The following RAB3C variants were observed in gnomAD, a reference collection of about 807,000 sequenced individuals.
The protein encoded by RAB3C is RAB3C, member RAS oncogene family, also known as ras-related protein Rab-3C.
A neutral mutation model predicts 26.4 loss-of-function variants in RAB3C; 17 were observed. The ratio of observed to expected loss-of-function variants is 0.64; its 90% CI spans 0.44 to 0.97. The LOEUF (loss-of-function observed/expected upper bound fraction) is 0.97, where lower values mean the gene tolerates loss of function less well. RAB3C is among the 50% of genes least tolerant of loss of function. RAB3C has a pLI of 0.00. For missense variants in RAB3C, 242 were observed against 281.9 expected, an observed-to-expected ratio of 0.86 and a Z score of 1.01; for synonymous variants, 91 against 95.9, an observed-to-expected ratio of 0.95 and a Z score of 0.30.
At chr5:58,582,281 G>A, upstream of RAB3C, 1 of 388,380 alleles carries the variant, frequency 2.6e-6, no homozygotes, top group Non-Finnish European at 3.5e-6. Context: ...TCCGCCAGAC[G>A]CCACCCCTAC....
intron 1 of RAB3C, among the ~76,000 whole-genome samples, chr5:58,601,527 T>C (rs1398492570): frequency 1.3e-5 from 2 of 152,130 alleles, no homozygotes; most frequent in African/African-American, 2.4e-5. Context: ...TCACTGCTTG[T>C]TTTTGGTCTG....
At chr5:58,836,310 T>C (rs1044923846) in intron 4 of RAB3C, among the ~76,000 whole-genome samples, 7 of 152,130 alleles carry the variant, frequency 4.6e-5, no homozygotes, top group African/African-American at 1.7e-4. Flanking sequence ...GAATACATAG[T>C]GAATTTTTGA....
intron 2 of RAB3C, among the ~76,000 whole-genome samples, chr5:58,706,029 A>T (rs1032973947): frequency 1.3e-5 from 2 of 152,142 alleles, no homozygotes; most frequent in South Asian, 2.1e-4. Flanking sequence ...TGTTTTTCTG[A>T]TGGTTTGAAA....
intron 1 of RAB3C, among the ~76,000 whole-genome samples, chr5:58,587,888 G>T (rs1746044991): frequency 6.6e-6 from 1 of 152,094 alleles, no homozygotes; most frequent in Admixed American, 6.6e-5. Context: ...ATAGGAGTTT[G>T]ATTTGTTCTA....
rs1200045037 is a variant in RAB3C at position 58,852,599 on chromosome 5, A to T, written c.*1248A>T. 6.6e-6 allele frequency: 1 copy of T among 152,182 alleles called. No individual in the cohort carries two copies. Among genetic ancestry groups the T allele is most frequent in the Non-Finnish European group, 1.5e-5 (1 of 68,026 alleles). The allele number at this position is 152,182 out of a possible 1,614,324, so 9.4% of individuals were successfully genotyped here. A position where few individuals can be genotyped will look rare whatever the true frequency, so the allele number is the denominator to read the frequency against. ...TCAATTTCAGAAATATTTAGGATCC[A>T]TAGCAATTTAAAAGAGGGAGGAAAC... is the stretch of plus-strand genomic sequence containing the variant. On this transcript the variant is annotated 3_prime_UTR_variant, in exon 5 of 5. Coordinates refer to ENST00000282878, the MANE Select transcript of RAB3C (RefSeq NM_138453.4).
chr5:58,833,825 A>G (rs1457300099), intron 4 of RAB3C, among the ~76,000 whole-genome samples: 2 of 152,230 alleles, frequency 1.3e-5, no homozygotes, highest in Non-Finnish European at 2.9e-5. Flanking sequence ...TACTATTTAA[A>G]TGCTTTGATA....
rs1369733892 is a variant in RAB3C at position 58,755,664 on chromosome 5, A to G, written c.371+29544A>G. On this transcript the variant is annotated intron_variant, in intron 3 of 4. Coordinates refer to ENST00000282878, the MANE Select transcript of RAB3C (RefSeq NM_138453.4). ...TGCGGAAAGAAACCTGTTTCTCCTT[A>G]ATGATGGTGTTGTCCAGGCAGGGGC... Among the ~76,000 whole-genome samples, 9 of 152,134 alleles carry G rather than the reference A, an allele frequency of 5.9e-5. No homozygotes were observed. In the East Asian group the frequency reaches 1.7e-3, roughly 29 times the overall value.
chr5:58,690,890 G>A (rs189208019), intron 2 of RAB3C, among the ~76,000 whole-genome samples: 1 of 152,224 alleles, frequency 6.6e-6, no homozygotes, highest in South Asian at 2.1e-4. Context: ...AATAAGATTT[G>A]TAATAACTAA....
intron 4 of RAB3C, among the ~76,000 whole-genome samples, chr5:58,830,961 G>A (rs1029148191): frequency 6.6e-6 from 1 of 151,804 alleles, no homozygotes; most frequent in Admixed American, 6.6e-5. Context: ...CTGCAGCCTT[G>A]ACCTCTTGGA....
intron 3 of RAB3C, among the ~76,000 whole-genome samples, chr5:58,731,154 T>C (rs1283989102): frequency 2.0e-5 from 3 of 152,228 alleles, no homozygotes; most frequent in African/African-American, 7.2e-5. Flanking sequence ...TCAGCAAGCA[T>C]GGAGATTCAG....
rs540584542 is a variant in RAB3C at position 58,653,669 on chromosome 5, AC to A, written c.252+35801del. ...TGCAGGAATATGGATGAAGCTGGAA[AC>A]CATCATTCTCAGCAGAAAATCTCTA... On this transcript the variant is annotated intron_variant, in intron 2 of 4. Coordinates refer to ENST00000282878, the MANE Select transcript of RAB3C (RefSeq NM_138453.4). 1.7e-3 allele frequency among the ~76,000 whole-genome samples: 259 copies of A among 152,276 alleles called. 1 individual carries two copies. Among genetic ancestry groups the A allele is most frequent in the African/African-American group, 5.8e-3 (241 of 41,552 alleles).
intron 3 of RAB3C, among the ~76,000 whole-genome samples, chr5:58,812,415 G>C (rs950923040): frequency 1.3e-5 from 2 of 152,194 alleles, no homozygotes; most frequent in East Asian, 3.9e-4. Context: ...TGGAGCACAG[G>C]AGTAGGTTTT....
rs539646883 is a variant in RAB3C at position 58,628,640 on chromosome 5, G to A, written c.252+10770G>A. ...CACCTTGAGGTTAGTGGAACAGGGT[G>A]GCAACTGCTCTGTTTTAGCAGTTCA... On this transcript the variant is annotated intron_variant, in intron 2 of 4. Transcript: ENST00000282878. Among the ~76,000 whole-genome samples the A allele has an allele frequency of 2.5e-4, 33 of 133,708 alleles. No homozygotes were observed. The South Asian group carries it at 7.3e-3, about 29-fold the overall frequency. The allele number at this position is 133,708 out of a possible 152,430, so 87.7% of individuals were successfully genotyped here. A position where few individuals can be genotyped will look rare whatever the true frequency, so the allele number is the denominator to read the frequency against.
At chr5:58,757,892 A>G (rs1288272902) in intron 3 of RAB3C, among the ~76,000 whole-genome samples, 2 of 150,954 alleles carry the variant, frequency 1.3e-5, no homozygotes, top group East Asian at 2.0e-4. Flanking sequence ...ATTCTACTTC[A>G]AGCAAAAGCT....
chr5:58,772,838 G>C (rs1050893053), intron 3 of RAB3C, among the ~76,000 whole-genome samples: 3 of 152,126 alleles, frequency 2.0e-5, no homozygotes, highest in South Asian at 2.1e-4. Context: ...CTATTGTATA[G>C]AGAATCATAA....
At chr5:58,738,630 G>A (rs548035245) in intron 3 of RAB3C, among the ~76,000 whole-genome samples, 1 of 152,226 alleles carries the variant, frequency 6.6e-6, no homozygotes, top group South Asian at 2.1e-4. Flanking sequence ...TACAGGGAAG[G>A]CTAGAAGCTA....
chr5:58,675,712 A>G (rs1748211807), intron 2 of RAB3C, among the ~76,000 whole-genome samples: 1 of 151,142 alleles, frequency 6.6e-6, no homozygotes, highest in Non-Finnish European at 1.5e-5. Context: ...CTTGTTGCAC[A>G]AAGCATTACA....
At chr5:58,611,545 G>C (rs1746701333) in intron 1 of RAB3C, among the ~76,000 whole-genome samples, 1 of 152,020 alleles carries the variant, frequency 6.6e-6, no homozygotes, top group African/African-American at 2.4e-5. Context: ...AAAAGTGTCT[G>C]TTCATGCACT....
At chr5:58,765,634 G>A (rs1057048385) in intron 3 of RAB3C, among the ~76,000 whole-genome samples, 1 of 152,110 alleles carries the variant, frequency 6.6e-6, no homozygotes, top group African/African-American at 2.4e-5. Flanking sequence ...TTATATCATG[G>A]AAATGTTTCC....
Sources: allele counts gnomAD v4.1 joint callset (sites outside exome capture counted in the v4.1 genomes callset), GRCh38; gene constraint gnomAD v4.1.1; transcripts MANE v1.5; gene names NCBI Gene and HGNC (gene_info 2026-07-23, HGNC 2026-07-21).